AKAP6: variants seen among roughly 807,000 people sequenced by gnomAD.
AKAP6 encodes A-kinase anchor protein 6.
A neutral mutation model predicts 188.5 loss-of-function variants in AKAP6; 58 were observed. That is an observed-to-expected ratio of 0.31 (90% CI 0.25 to 0.38). The LOEUF (loss-of-function observed/expected upper bound fraction) is 0.38. Among genes scored for constraint, AKAP6 ranks in the 10% least tolerant of loss-of-function variants. The pLI is 1.00. For missense variants in AKAP6, 2,710 were observed against 2,740.0 expected (o/e 0.99, Z 0.24); for synonymous variants, 989 against 998.6 (o/e 0.99, Z 0.18).
At chr14:32,798,574 A>G (rs2033845264) in intron 12 of AKAP6, among the ~76,000 whole-genome samples, 1 of 152,334 alleles carries the variant, frequency 6.6e-6, no homozygotes, top group Non-Finnish European at 1.5e-5. Flanking sequence ...TTTTGCAGCA[A>G]TGTGAATGGA....
chr14:32,630,735 A>G (rs1887232424), intron 7 of AKAP6, among the ~76,000 whole-genome samples: 1 of 152,120 alleles, frequency 6.6e-6, no homozygotes, highest in Non-Finnish European at 1.5e-5. Context: ...TCCTGATACA[A>G]AGGGGTTAGT....
At chr14:32,373,392 TG>T (rs964079620) in intron 1 of AKAP6, 1 of 151,944 alleles carries the variant, frequency 6.6e-6, no homozygotes, top group African/African-American at 2.4e-5. Flanking sequence ...AATCATTTCC[TG>T]GGTGGGGGTC....
At chr14:32,390,613 A>G (rs972218958) in intron 1 of AKAP6, among the ~76,000 whole-genome samples, 3 of 151,968 alleles carry the variant, frequency 2.0e-5, no homozygotes, top group African/African-American at 7.3e-5. Context: ...AGTGAGTGTT[A>G]TCTCTCTTCT....
chr14:32,592,872 G>A (rs1407151515), intron 5 of AKAP6, among the ~76,000 whole-genome samples: 2 of 152,114 alleles, frequency 1.3e-5, no homozygotes, highest in Non-Finnish European at 2.9e-5. Flanking sequence ...GTGAGTGATG[G>A]AGGAGCCAGG....
At chr14:32,535,497 C>G in intron 2 of AKAP6, 57 bp from the exon 3 acceptor site, 1 of 1,561,852 alleles carries the variant, frequency 6.4e-7, no homozygotes, top group African/African-American at 1.4e-5. Context: ...ACTACCCTCA[C>G]CTCCCTCCAG....
At chr14:32,666,737 T>C (rs1175589303) in intron 7 of AKAP6, among the ~76,000 whole-genome samples, 1 of 152,064 alleles carries the variant, frequency 6.6e-6, no homozygotes, top group Non-Finnish European at 1.5e-5. Context: ...TGAGGATATC[T>C]TACATTTTTG....
intron 12 of AKAP6, among the ~76,000 whole-genome samples, chr14:32,817,910 T>G (rs974009703): frequency 3.3e-5 from 5 of 152,206 alleles, no homozygotes; most frequent in Non-Finnish European, 7.3e-5. Flanking sequence ...TGCAAATCTT[T>G]TTTTTCCCAA....
chr14:32,786,566 T>G (rs942304075), intron 12 of AKAP6, among the ~76,000 whole-genome samples: 3 of 151,958 alleles, frequency 2.0e-5, no homozygotes, highest in Non-Finnish European at 2.9e-5. Flanking sequence ...CCTCGTGATC[T>G]GCCTGCCTCG....
chr14:32,492,981 T>C lies in AKAP6; in HGVS notation c.325-42573T>C, dbSNP rs190029460. Among the ~76,000 whole-genome samples the C allele has an allele frequency of 1.9e-3, 290 of 152,344 alleles. 1 individual carries two copies. Among genetic ancestry groups the C allele is most frequent in the South Asian group, 5.4e-3 (26 of 4,824 alleles). ...GTGAATTTGCTTTGACTATGGGATG[T>C]GTCTTGCCTTTCTGTATTATTATCA... On this transcript the variant is annotated intron_variant, in intron 2 of 13. Coordinates refer to ENST00000280979, the MANE Select transcript of AKAP6 (RefSeq NM_004274.5).
At chr14:32,756,057 C>G (rs1187403262) in intron 11 of AKAP6, among the ~76,000 whole-genome samples, 4 of 152,218 alleles carry the variant, frequency 2.6e-5, no homozygotes, top group African/African-American at 9.6e-5. Flanking sequence ...CATGGCCAGG[C>G]TGGCCTGCTA....
chr14:32,766,410 T>G (rs2207204), intron 11 of AKAP6, among the ~76,000 whole-genome samples: 21,797 of 152,074 alleles, frequency 0.14, 1,822 homozygotes, highest in East Asian at 0.45. Flanking sequence ...AATTATATGT[T>G]TAACTTTTTG....
Position 32,823,842 on chromosome 14 carries a change from G to C in AKAP6, c.6029G>C (p.Ser2010Thr). 1 of 1,613,584 alleles carries C rather than the reference G, an allele frequency of 6.2e-7. No homozygotes were observed. Among genetic ancestry groups the C allele is most frequent in the Non-Finnish European group, 8.5e-7 (1 of 1,179,906 alleles). ...DALKSSDDAPSMAGKSAGCCL... is the reference protein window; with the variant it reads ...DALKSSDDAPTMAGKSAGCCL... ...CTGAAATCATCTGATGATGCACCGA[G>C]TATGGCTGGAAAATCTGCTGGTTGT... The change falls in exon 13 of 14, where the codon AGT becomes ACT. Residue 2010 changes from serine to threonine, a missense_variant. By Grantham distance (58) the Ser-to-Thr change is moderately conservative (BLOSUM62 1). Coordinates refer to ENST00000280979, the MANE Select transcript of AKAP6 (RefSeq NM_004274.5).
Position 32,735,778 on chromosome 14 carries a change from C to A in AKAP6, c.3268C>A (p.Leu1090Met). 1 of 1,613,458 alleles carries A rather than the reference C, an allele frequency of 6.2e-7. No individual in the cohort carries two copies. Among genetic ancestry groups the A allele is most frequent in the Admixed American group, 1.7e-5 (1 of 59,884 alleles). Residue 1090 changes from leucine (L) to methionine (M), a missense_variant, in exon 11 of 14, where the codon CTG becomes ATG. Physicochemically the swap from Leu to Met is conservative, Grantham distance 15. Around this residue, in one of 2 missense-constraint regions of AKAP6, gnomAD observed 2,473 missense variants for 2,426.1 expected, o/e 1.02. Coordinates refer to ENST00000280979, the MANE Select transcript of AKAP6 (RefSeq NM_004274.5). The part of the protein sequence containing the change: ...VRQLEVRIKE[L>M]KGWLRDTELF... The stretch of plus-strand genomic sequence containing the variant: ...GCAGCTGGAGGTCAGGATCAAAGAA[C>A]TGAAAGGATGGCTAAGAGATACAGA...
chr14:32,547,741 G>A (rs1374977051), intron 4 of AKAP6, among the ~76,000 whole-genome samples: 1 of 152,044 alleles, frequency 6.6e-6, no homozygotes, highest in African/African-American at 2.4e-5. Context: ...CTACTCAGGA[G>A]GCTGAGGCAG....
chr14:32,574,467 A>C (rs1185003233), intron 4 of AKAP6, among the ~76,000 whole-genome samples: 1 of 152,188 alleles, frequency 6.6e-6, no homozygotes, highest in Non-Finnish European at 1.5e-5. Context: ...AGGAAACCTG[A>C]CACATTGTTT....
chr14:32,742,332 T>C (rs1443400482), intron 11 of AKAP6, among the ~76,000 whole-genome samples: 1 of 128,194 alleles, frequency 7.8e-6, no homozygotes, highest in Non-Finnish European at 1.7e-5. Flanking sequence ...ATTTCCTTGA[T>C]CTTTTGTATT....
chr14:32,519,198 T>C (rs1207640855), intron 2 of AKAP6, among the ~76,000 whole-genome samples: 2 of 152,140 alleles, frequency 1.3e-5, no homozygotes, highest in East Asian at 3.9e-4. Flanking sequence ...AAGGAAGCAC[T>C]GAACATGGAA....
At chr14:32,621,971 T>A (rs1886832070) in intron 7 of AKAP6, among the ~76,000 whole-genome samples, 1 of 152,146 alleles carries the variant, frequency 6.6e-6, no homozygotes, top group Non-Finnish European at 1.5e-5. Flanking sequence ...GAGGGGACAG[T>A]CAAATATGTA....
intron 2 of AKAP6, among the ~76,000 whole-genome samples, chr14:32,510,404 G>GTATATATACATA: frequency 1.3e-5 from 1 of 74,734 alleles, no homozygotes; most frequent in African/African-American, 6.1e-5. Flanking sequence ...GTATATATAT[G>GTATATATACATA]TATATATATG....
Sources: allele counts gnomAD v4.1 joint callset (sites outside exome capture counted in the v4.1 genomes callset), GRCh38; gene constraint gnomAD v4.1.1; regional missense constraint gnomAD v4.1.1; transcripts MANE v1.5; gene names NCBI Gene and HGNC (gene_info 2026-07-23, HGNC 2026-07-21).